The following SDK1 variants were observed in gnomAD, a reference collection of about 807,000 sequenced individuals.
The protein encoded by SDK1 is sidekick cell adhesion molecule 1.
A neutral mutation model predicts 245.5 loss-of-function variants in SDK1; 157 were observed. The ratio of observed to expected loss-of-function variants is 0.64; its 90% CI spans 0.56 to 0.73. The LOEUF is 0.73. Among genes scored for constraint, SDK1 ranks in the 30% least tolerant of loss-of-function variants. The probability of loss-of-function intolerance (pLI) is 0.00; values close to 1 mark genes in which losing one functional copy is unlikely to be tolerated. For missense variants in SDK1, 3,583 were observed against 3,002.3 expected, an observed-to-expected ratio of 1.19 and a Z score of -4.52; for synonymous variants, 1,647 against 1,278.5, an observed-to-expected ratio of 1.29 and a Z score of -6.15.
intron 5 of SDK1, among the ~76,000 whole-genome samples, chr7:3,931,490 G>A (rs912783662): frequency 6.6e-6 from 1 of 152,164 alleles, no homozygotes; most frequent in Admixed American, 6.5e-5. Context: ...AGTATTCAAC[G>A]TCCCAAAACA....
At chr7:3,899,870 C>T (rs1173657257) in intron 5 of SDK1, among the ~76,000 whole-genome samples, 1 of 152,246 alleles carries the variant, frequency 6.6e-6, no homozygotes, top group Non-Finnish European at 1.5e-5. Context: ...TCCCTGCTTC[C>T]CGGACCTGGC....
intron 1 of SDK1, among the ~76,000 whole-genome samples, chr7:3,471,702 A>G (rs1239755794): frequency 1.3e-5 from 2 of 152,206 alleles, no homozygotes; most frequent in African/African-American, 4.8e-5. Flanking sequence ...GACTGATAAC[A>G]TTGTAAAGAA....
chr7:3,771,566 T>A (rs909986499), intron 4 of SDK1, among the ~76,000 whole-genome samples: 1 of 152,186 alleles, frequency 6.6e-6, no homozygotes, highest in African/African-American at 2.4e-5. Context: ...GACATCTGAG[T>A]CATTTCTCTT....
chr7:4,182,223 G>A (rs1275422132), intron 35 of SDK1, among the ~76,000 whole-genome samples: 1 of 152,106 alleles, frequency 6.6e-6, no homozygotes, highest in Non-Finnish European at 1.5e-5. Context: ...GGCTGCCACT[G>A]CCCCAGGACA....
At chr7:3,556,521 T>C (rs1779592145) in intron 1 of SDK1, among the ~76,000 whole-genome samples, 1 of 152,100 alleles carries the variant, frequency 6.6e-6, no homozygotes, top group Admixed American at 6.6e-5. Flanking sequence ...TAATTTATTA[T>C]ACATTTAATA....
At chr7:3,499,336 T>A (rs1055267289) in intron 1 of SDK1, among the ~76,000 whole-genome samples, 2 of 152,216 alleles carry the variant, frequency 1.3e-5, no homozygotes, top group Non-Finnish European at 2.9e-5. Context: ...AACTGACCAT[T>A]CCTTAATGAC....
intron 27 of SDK1, 31 bp from the exon 28 acceptor site, chr7:4,132,294 A>C (rs1178264965): frequency 6.4e-7 from 1 of 1,555,192 alleles, no homozygotes; most frequent in Non-Finnish European, 8.8e-7. Flanking sequence ...CACTGTCTTG[A>C]GATCTGAATC....
chr7:3,504,180 ATATGTGTG>A (rs1289342328), intron 1 of SDK1, among the ~76,000 whole-genome samples: 4 of 89,438 alleles, frequency 4.5e-5, no homozygotes, highest in African/African-American at 8.6e-5. Flanking sequence ...ATATATATAT[ATATGTGTG>A]TGTGTGTGTG....
intron 22 of SDK1, among the ~76,000 whole-genome samples, chr7:4,087,261 G>C (rs1011009840): frequency 3.3e-5 from 5 of 152,094 alleles, no homozygotes; most frequent in African/African-American, 1.2e-4. Flanking sequence ...AATTGCCTCA[G>C]TGCCATTTAT....
chr7:4,100,306 C>G (rs1037962923), intron 22 of SDK1, among the ~76,000 whole-genome samples: 12 of 152,112 alleles, frequency 7.9e-5, no homozygotes, highest in African/African-American at 2.7e-4. Context: ...CAGACATGGC[C>G]TCCAGGAGAA....
At chr7:3,907,477 A>G (rs1467347972) in intron 5 of SDK1, among the ~76,000 whole-genome samples, 1 of 152,128 alleles carries the variant, frequency 6.6e-6, no homozygotes, top group Non-Finnish European at 1.5e-5. Flanking sequence ...ACACTATTTC[A>G]TTATCTGACA....
intron 5 of SDK1, among the ~76,000 whole-genome samples, chr7:3,915,677 A>C (rs1779349691): frequency 6.6e-6 from 1 of 152,116 alleles, no homozygotes; most frequent in Admixed American, 6.5e-5. Flanking sequence ...CGTGAGAATG[A>C]GCTAATACAT....
At chr7:3,484,752 A>G (rs1318549504) in intron 1 of SDK1, among the ~76,000 whole-genome samples, 1 of 152,166 alleles carries the variant, frequency 6.6e-6, no homozygotes, top group Non-Finnish European at 1.5e-5. Context: ...AGGAGTGAGA[A>G]CATGGGATAT....
At chr7:4,129,749 G>C (rs915859940) in intron 26 of SDK1, 159 bp from the exon 27 acceptor site, 6 of 1,444,360 alleles carry the variant, frequency 4.2e-6, no homozygotes, top group Middle Eastern at 2.5e-4. Context: ...CCAAATGCCA[G>C]CATGGACAAA....
intron 1 of SDK1, among the ~76,000 whole-genome samples, chr7:3,587,800 T>C (rs1171188662): frequency 6.6e-6 from 1 of 152,248 alleles, no homozygotes; most frequent in Non-Finnish European, 1.5e-5. Flanking sequence ...GTTATCTAGC[T>C]TTCCATGGGT....
chr7:3,975,391 C>T lies in SDK1; in HGVS notation c.1994+846C>T, dbSNP rs372664729. Among the ~76,000 whole-genome samples, 98 of 152,246 alleles carry T rather than the reference C, an allele frequency of 6.4e-4. 1 individual carries two copies. In the East Asian group the frequency reaches 0.011, roughly 17 times the overall value. ...TCATCGTTTGACATGCTGGGCCTTT[C>T]GACAAAGGCAATCTTGAGAGATTTT... On this transcript the variant is annotated intron_variant, in intron 13 of 44. Transcript: ENST00000404826.
chr7:3,925,021 C>A lies in SDK1; in HGVS notation c.848-25902C>A, dbSNP rs1490767466. ...CAAGGTCCAGACTCTTAATGTGATT[C>A]TTGACAACTGATTTGTCAGCTCATT... On this transcript the variant is annotated intron_variant, in intron 5 of 44. Coordinates refer to ENST00000404826, the MANE Select transcript of SDK1 (RefSeq NM_152744.4). Among the ~76,000 whole-genome samples, 3 of 152,286 alleles carry A rather than the reference C, an allele frequency of 2.0e-5. No homozygotes were observed. The East Asian group carries it at 5.8e-4, about 29-fold the overall frequency.
intron 14 of SDK1, among the ~76,000 whole-genome samples, chr7:4,001,528 A>C (rs1467628514): frequency 1.3e-5 from 2 of 152,150 alleles, no homozygotes; most frequent in East Asian, 3.9e-4. Context: ...CTGTTGTGGG[A>C]TCATTTGGGC....
At chr7:3,698,023 G>A (rs568691118) in intron 4 of SDK1, among the ~76,000 whole-genome samples, 3 of 152,222 alleles carry the variant, frequency 2.0e-5, no homozygotes, top group East Asian at 1.9e-4. Flanking sequence ...TGAGCTTTCC[G>A]TTTCTCTCAT....
Sources: gnomAD v4.1 joint callset for allele counts (sites outside exome capture counted in the v4.1 genomes callset) on GRCh38, gnomAD v4.1.1 for gene constraint, MANE v1.5 for transcripts, NCBI Gene and HGNC (gene_info 2026-07-23, HGNC 2026-07-21) for gene names.